DOK6: variants seen among roughly 807,000 people sequenced by gnomAD.
DOK6 encodes the protein docking protein 6.
DOK6 carries 22 observed loss-of-function variants against 44.0 expected under a neutral mutation model. The ratio of observed to expected loss-of-function variants is 0.50; its 90% CI spans 0.36 to 0.71. DOK6 has a LOEUF of 0.71. Ranked by LOEUF, DOK6 falls within the 30% of genes least tolerant of loss-of-function variation. The pLI is 0.00. For synonymous variants in DOK6, 166 were observed against 145.5 expected (o/e 1.14, Z -1.01); for missense variants, 340 against 416.4 (o/e 0.82, Z 1.60).
chr18:69,415,460 T>A (rs1266618717), intron 1 of DOK6, among the ~76,000 whole-genome samples: 1 of 152,060 alleles, frequency 6.6e-6, no homozygotes, highest in African/African-American at 2.4e-5. Context: ...GGGAAAGGTG[T>A]CATTCTGTGA....
At chr18:69,659,425 A>T (rs187901871) in intron 3 of DOK6, among the ~76,000 whole-genome samples, 2 of 152,322 alleles carry the variant, frequency 1.3e-5, no homozygotes, top group East Asian at 3.9e-4. Flanking sequence ...AGATATCCAA[A>T]TATGATAGGT....
chr18:69,534,965 A>G (rs756862314), intron 1 of DOK6, among the ~76,000 whole-genome samples: 2 of 152,006 alleles, frequency 1.3e-5, no homozygotes, highest in Non-Finnish European at 2.9e-5. Context: ...AGTCTCACTC[A>G]TGTCTTCTCT....
chr18:69,603,758 G>C (rs1178422158), intron 3 of DOK6, among the ~76,000 whole-genome samples: 1 of 123,964 alleles, frequency 8.1e-6, no homozygotes, highest in Admixed American at 9.5e-5. Flanking sequence ...GCGACAGAGC[G>C]AGACTCCGTC....
At chr18:69,496,130 T>C (rs1980880955) in intron 1 of DOK6, among the ~76,000 whole-genome samples, 1 of 152,212 alleles carries the variant, frequency 6.6e-6, no homozygotes, top group Non-Finnish European at 1.5e-5. Context: ...CTTGGGCATC[T>C]GCAGCTGCCC....
chr18:69,754,722 A>G (rs1485431788), intron 6 of DOK6, among the ~76,000 whole-genome samples: 1 of 152,170 alleles, frequency 6.6e-6, no homozygotes, highest in Non-Finnish European at 1.5e-5. Flanking sequence ...GTGAATATTT[A>G]TCCCTGTGTC....
At chr18:69,609,650 T>C (rs747916704) in intron 3 of DOK6, among the ~76,000 whole-genome samples, 8 of 147,192 alleles carry the variant, frequency 5.4e-5, no homozygotes, top group Admixed American at 1.4e-4. Flanking sequence ...AATTACCATA[T>C]GATCTGGCAA....
At chr18:69,703,125 C>A (rs1225261739) in intron 5 of DOK6, among the ~76,000 whole-genome samples, 1 of 151,880 alleles carries the variant, frequency 6.6e-6, no homozygotes, top group East Asian at 1.9e-4. Flanking sequence ...GGAAAAGGCA[C>A]TAGGTTCCTA....
intron 1 of DOK6, among the ~76,000 whole-genome samples, chr18:69,560,496 A>G (rs1027462593): frequency 5.9e-5 from 9 of 152,158 alleles, no homozygotes; most frequent in Admixed American, 5.2e-4. Context: ...GAAATATAGT[A>G]GGAACTCATA....
intron 4 of DOK6, among the ~76,000 whole-genome samples, chr18:69,680,601 A>T (rs1465802414): frequency 2.0e-5 from 3 of 152,256 alleles, no homozygotes; most frequent in Non-Finnish European, 4.4e-5. Context: ...GTGTGTATAC[A>T]CAGAGACAAC....
At chr18:69,837,379 G>A (rs930341168) in intron 7 of DOK6, among the ~76,000 whole-genome samples, 5 of 151,924 alleles carry the variant, frequency 3.3e-5, no homozygotes, top group African/African-American at 9.7e-5. Context: ...AACCCACTTC[G>A]GTGGCAATGA....
chr18:69,539,618 G>A (rs545308337), intron 1 of DOK6, among the ~76,000 whole-genome samples: 2 of 151,990 alleles, frequency 1.3e-5, no homozygotes, highest in South Asian at 4.2e-4. Context: ...CATATAGAAA[G>A]CTTTCTTATT....
chr18:69,696,612 A>C (rs1276209471), intron 4 of DOK6, among the ~76,000 whole-genome samples: 3 of 152,208 alleles, frequency 2.0e-5, no homozygotes, highest in Non-Finnish European at 4.4e-5. Context: ...ATTAATTCCA[A>C]ATATAGGAGC....
intron 1 of DOK6, among the ~76,000 whole-genome samples, chr18:69,426,641 A>G (rs377516434): frequency 6.6e-6 from 1 of 152,224 alleles, no homozygotes; most frequent in African/African-American, 2.4e-5. Context: ...TAGATATTCA[A>G]TCAATACAGT....
intron 3 of DOK6, among the ~76,000 whole-genome samples, chr18:69,649,337 G>A (rs1020961108): frequency 2.6e-5 from 4 of 152,120 alleles, no homozygotes; most frequent in African/African-American, 9.7e-5. Flanking sequence ...CCATGTAAAC[G>A]AAATCTCCTT....
chr18:69,568,083 A>G (rs945192300), intron 2 of DOK6, among the ~76,000 whole-genome samples: 1 of 152,100 alleles, frequency 6.6e-6, no homozygotes, highest in Non-Finnish European at 1.5e-5. Flanking sequence ...CAGCAACTTC[A>G]CCGTCTCTCT....
intron 1 of DOK6, among the ~76,000 whole-genome samples, chr18:69,559,686 T>C (rs2144594362): frequency 6.6e-6 from 1 of 152,254 alleles, no homozygotes; most frequent in South Asian, 2.1e-4. Context: ...TAACAAAATT[T>C]CATATAGCTA....
chr18:69,789,777 C>A (rs1022676766), intron 7 of DOK6, among the ~76,000 whole-genome samples: 9 of 152,142 alleles, frequency 5.9e-5, no homozygotes, highest in African/African-American at 2.2e-4. Flanking sequence ...AAGATACCAG[C>A]TAGAACTATT....
At position 69,542,458 on chromosome 18, in the gene DOK6, C is replaced by A. The variant is rs1982293765; in HGVS notation, c.67-22029C>A. On this transcript the variant is annotated intron_variant, in intron 1 of 7. Transcript: ENST00000382713. ...TGCTGCTACCCTATGAAAGTGATGA[C>A]CAAAATGTTGACCCAAGAGAAAAAG... is the stretch of plus-strand genomic sequence containing the variant. 2.6e-5 allele frequency among the ~76,000 whole-genome samples: 4 copies of A among 151,294 alleles called. No homozygotes were observed. The Middle Eastern group carries it at 0.014, about 522-fold the overall frequency.
intron 1 of DOK6, among the ~76,000 whole-genome samples, chr18:69,533,813 G>T (rs1265639299): frequency 6.6e-6 from 1 of 152,020 alleles, no homozygotes; most frequent in Admixed American, 6.6e-5. Context: ...TGATAGAATT[G>T]TTACATTGGA....
Sources: allele counts gnomAD v4.1 joint callset (sites outside exome capture counted in the v4.1 genomes callset), GRCh38; gene constraint gnomAD v4.1.1; transcripts MANE v1.5; gene names NCBI Gene and HGNC (gene_info 2026-07-23, HGNC 2026-07-21).